Variants in WBP1L observed in about 807,000 individuals in gnomAD.
WBP1L encodes the protein WW domain binding protein 1 like.
A neutral mutation model predicts 33.7 loss-of-function variants in WBP1L; 17 were observed. That is an observed-to-expected ratio of 0.50 (90% CI 0.34 to 0.76). The LOEUF is 0.76. Among genes scored for constraint, WBP1L ranks in the 30% least tolerant of loss-of-function variants. WBP1L has a pLI of 0.01. For missense variants in WBP1L, 389 were observed against 469.4 expected (o/e 0.83, Z 1.58); for synonymous variants, 173 against 190.8 (o/e 0.91, Z 0.77).
At chr10:102,810,551 T>C (rs1843821351) in intron 3 of WBP1L, among the ~76,000 whole-genome samples, 3 of 112,050 alleles carry the variant, frequency 2.7e-5, no homozygotes, top group Admixed American at 1.1e-4. Context: ...CCTCCCTCTC[T>C]CTCTCTCTAT....
At chr10:102,758,005 C>T (rs1274244851) in intron 1 of WBP1L, among the ~76,000 whole-genome samples, 1 of 78,718 alleles carries the variant, frequency 1.3e-5, no homozygotes, top group African/African-American at 4.8e-5. Context: ...CCTGCCTCAG[C>T]CTCCTGAGTA....
chr10:102,809,893 G>A lies in WBP1L; in HGVS notation c.194G>A (p.Trp65Ter). ...CTGTCTTGCCTTGCCCACCCCCCAG[G>A]GTTCTGGCTGGTGTGGACCATCATC... The part of the protein sequence containing the change: ...QCCNYYYELW[W>*]FWLVWTIIII... The change falls in exon 3 of 4, where the codon TGG becomes TAG. Residue 65 changes from tryptophan to a stop codon, truncating the protein, a stop_gained and splice_region_variant. Coordinates refer to ENST00000448841, the MANE Select transcript of WBP1L (RefSeq NM_001083913.2). LOFTEE classifies it high-confidence loss of function. 6.2e-7 allele frequency: 1 copy of A among 1,609,208 alleles called. No homozygotes were observed. The highest frequency in any genetic ancestry group is 8.5e-7 in the Non-Finnish European group (1 of 1,177,698).
chr10:102,746,795 T>C (rs915446891), intron 1 of WBP1L, among the ~76,000 whole-genome samples: 3 of 152,240 alleles, frequency 2.0e-5, no homozygotes, highest in African/African-American at 4.8e-5. Flanking sequence ...TGGTACCTTA[T>C]TGCATTTCTC....
chr10:102,793,428 G>GAGCA (rs1843530902), intron 1 of WBP1L, among the ~76,000 whole-genome samples: 1 of 152,228 alleles, frequency 6.6e-6, no homozygotes, highest in African/African-American at 2.4e-5. Context: ...CTGGACAACA[G>GAGCA]AGCAAGACCT....
chr10:102,792,576 C>CT (rs1180644830), intron 1 of WBP1L, among the ~76,000 whole-genome samples: 22 of 142,152 alleles, frequency 1.5e-4, no homozygotes, highest in African/African-American at 2.3e-4. Context: ...TTCCTAGTTA[C>CT]TTTTTTTTTT....
chr10:102,803,227 G>A (rs1238362207), intron 2 of WBP1L, among the ~76,000 whole-genome samples: 1 of 152,208 alleles, frequency 6.6e-6, no homozygotes, highest in African/African-American at 2.4e-5. Context: ...AGTGGCAGGA[G>A]CTCTTGCTGA....
chr10:102,781,330 A>G (rs1250427138), intron 1 of WBP1L, among the ~76,000 whole-genome samples: 1 of 152,180 alleles, frequency 6.6e-6, no homozygotes, highest in Admixed American at 6.5e-5. Flanking sequence ...GTTAGCCAGC[A>G]TTGACTTGGG....
chr10:102,794,892 C>T (rs1843553575), intron 1 of WBP1L, among the ~76,000 whole-genome samples: 1 of 151,512 alleles, frequency 6.6e-6, no homozygotes, highest in East Asian at 1.9e-4. Flanking sequence ...CTGAATCCTC[C>T]TTCACCTCTT....
chr10:102,778,403 A>G (rs1313791589), intron 1 of WBP1L, among the ~76,000 whole-genome samples: 1 of 152,168 alleles, frequency 6.6e-6, no homozygotes, highest in Admixed American at 6.5e-5. Context: ...TGAGGTGGCA[A>G]GAGGGCGAGG....
intron 1 of WBP1L, chr10:102,776,190 G>T: frequency 1.4e-6 from 2 of 1,461,926 alleles, no homozygotes; most frequent in Non-Finnish European, 1.8e-6. Flanking sequence ...GCCAGAGCCA[G>T]GCAGGGGGAG....
chr10:102,776,483 C>CT, intron 1 of WBP1L: 1 of 1,602,736 alleles, frequency 6.2e-7, no homozygotes, highest in Admixed American at 1.7e-5. Context: ...TATTGTACTA[C>CT]TGCTTTGGGT....
intron 3 of WBP1L, 114 bp downstream of exon 3, chr10:102,810,168 C>T (rs1843809381): frequency 2.2e-6 from 3 of 1,369,150 alleles, no homozygotes; most frequent in South Asian, 1.4e-5. Flanking sequence ...TTGTCCTCTC[C>T]CTGCCCCTCC....
chr10:102,764,073 CAAA>C (rs1025492073), intron 1 of WBP1L, among the ~76,000 whole-genome samples: 10 of 152,200 alleles, frequency 6.6e-5, no homozygotes, highest in African/African-American at 2.2e-4. Context: ...CTCGGCCTCC[CAAA>C]ATGCTGAGAT....
chr10:102,807,215 CT>C (rs1236363343), intron 2 of WBP1L, among the ~76,000 whole-genome samples: 1 of 152,024 alleles, frequency 6.6e-6, no homozygotes, highest in Non-Finnish European at 1.5e-5. Context: ...AAAATTATTC[CT>C]TTGATACATT....
chr10:102,810,564 C>CTTTTTTTTT (rs779749788), intron 3 of WBP1L, among the ~76,000 whole-genome samples: 1 of 59,796 alleles, frequency 1.7e-5, no homozygotes, highest in Non-Finnish European at 2.8e-5. Context: ...CTCTCTATTT[C>CTTTTTTTTT]TTTTTTTTTT....
intron 1 of WBP1L, among the ~76,000 whole-genome samples, chr10:102,784,591 A>T (rs1407922727): frequency 6.6e-6 from 1 of 151,436 alleles, no homozygotes; most frequent in East Asian, 1.9e-4. Context: ...ACACCCGGCT[A>T]ATTTTTTGTA....
intron 1 of WBP1L, among the ~76,000 whole-genome samples, chr10:102,758,836 G>A (rs1038699366): frequency 6.6e-6 from 1 of 152,180 alleles, no homozygotes; most frequent in East Asian, 1.9e-4. Context: ...TTACAGGATA[G>A]GGGGCCCTTC....
At position 102,743,972 on chromosome 10, in the gene WBP1L, A is replaced by AG. The variant is rs1281092281; in HGVS notation, c.-80dup. On this transcript the variant is annotated 5_prime_UTR_variant, in exon 1 of 4. Coordinates refer to ENST00000448841, the MANE Select transcript of WBP1L (RefSeq NM_001083913.2). ...CGTCAAACAGGAAAAGAAGGGAAGA[A>AG]GGAAGAAGAGGGTAGAGGAGGAGAG... 1.9e-6 allele frequency: 2 copies of AG among 1,074,092 alleles called. No individual in the cohort carries two copies. Among genetic ancestry groups the AG allele is most frequent in the African/African-American group, 3.2e-5 (2 of 62,502 alleles). The allele number at this position is 1,074,092 out of a possible 1,614,324, so 66.5% of individuals were successfully genotyped here.
chr10:102,797,166 C>T (rs923455524), intron 1 of WBP1L, among the ~76,000 whole-genome samples: 4 of 152,144 alleles, frequency 2.6e-5, no homozygotes, highest in African/African-American at 9.7e-5. Context: ...TGTTGTTGCC[C>T]TCTTTAGGAT....
Sources: gnomAD v4.1 joint callset for allele counts (sites outside exome capture counted in the v4.1 genomes callset) on GRCh38, gnomAD v4.1.1 for gene constraint, MANE v1.5 for transcripts, NCBI Gene and HGNC (gene_info 2026-07-23, HGNC 2026-07-21) for gene names.